WDFY4: variants seen among roughly 807,000 people sequenced by gnomAD.
WDFY4 encodes the protein WD repeat- and FYVE domain-containing protein 4.
WDFY4 carries 169 observed loss-of-function variants against 351.9 expected under a neutral mutation model. The observed-to-expected ratio is 0.48, with a 90% CI of 0.42 to 0.55. WDFY4 has a LOEUF of 0.55. WDFY4 is among the 20% of genes least tolerant of loss of function. WDFY4 has a pLI of 0.00. For synonymous variants in WDFY4, 1,622 were observed against 1,574.6 expected (o/e 1.03, Z -0.71); for missense variants, 3,803 against 3,935.6 (o/e 0.97, Z 0.90).
chr10:48,733,897 A>C, intron 9 of WDFY4, 34 bp from the exon 10 acceptor site: 1 of 1,542,756 alleles, frequency 6.5e-7, no homozygotes, highest in East Asian at 2.4e-5. Context: ...ACATGTACTT[A>C]ATTTATTTTG....
In WDFY4 at chr10:48,819,982, T is replaced by C. The variant is rs576362679; in HGVS notation, c.5506-252T>C. On this transcript the variant is annotated intron_variant, in intron 32 of 61. Coordinates refer to ENST00000325239, the MANE Select transcript of WDFY4 (RefSeq NM_001394531.1). The stretch of plus-strand genomic sequence containing the variant: ...TCCTGGCACATTCTGGAGTTCATCA[T>C]GAACACTGCAGGCCTCTCTGACTCT... 1.7e-4 allele frequency among the ~76,000 whole-genome samples: 26 copies of C among 152,310 alleles called. 1 individual carries two copies. Among genetic ancestry groups the C allele is most frequent in the South Asian group, 1.7e-3 (8 of 4,822 alleles).
In WDFY4 at chr10:48,956,499, C is replaced by G. The variant is rs547838364; in HGVS notation, c.7978-630C>G. On this transcript the variant is annotated intron_variant, in intron 51 of 61. Coordinates refer to ENST00000325239, the MANE Select transcript of WDFY4 (RefSeq NM_001394531.1). ...GGGCCCTCCCCTAGCGAGCTCTCCT[C>G]CCTCCTCCCTTCACCCTCCTCCCTC... Among the ~76,000 whole-genome samples, 4 of 152,278 alleles carry G rather than the reference C, an allele frequency of 2.6e-5. No individual in the cohort carries two copies. The South Asian group carries it at 8.3e-4, about 32-fold the overall frequency.
chr10:48,724,200 C>T (rs1052827222), intron 5 of WDFY4, among the ~76,000 whole-genome samples: 7 of 152,102 alleles, frequency 4.6e-5, no homozygotes, highest in Non-Finnish European at 1.0e-4. Flanking sequence ...TATGGAGGAT[C>T]GTGTGGCCCG....
intron 12 of WDFY4, among the ~76,000 whole-genome samples, chr10:48,755,421 A>T (rs2132490728): frequency 6.6e-6 from 1 of 152,262 alleles, no homozygotes; most frequent in South Asian, 2.1e-4. Flanking sequence ...TTGCACTTTT[A>T]TGTCATATCT....
chr10:48,835,278 G>A (rs138223062), intron 39 of WDFY4, among the ~76,000 whole-genome samples: 35 of 152,304 alleles, frequency 2.3e-4, no homozygotes, highest in Middle Eastern at 3.4e-3. Flanking sequence ...GGAGGGGGGC[G>A]AGAGAGGGGC....
Position 48,720,073 on chromosome 10 carries a change from G to A in WDFY4, c.297G>A (p.Val99=). The change falls in exon 3 of 62, where the codon GTG becomes GTA. Residue 99 remains valine, a synonymous_variant. Coordinates refer to ENST00000325239, the MANE Select transcript of WDFY4 (RefSeq NM_001394531.1). ...GTCTCCAAAGGCTGGCTGAAGACGT[G>A]TCTGACCAGCTTGCCCAGCAACTCC... The part of the protein sequence containing the change: ...FPSLQRLAED[V]SDQLAQQLQK... The A allele has an allele frequency of 1.3e-6, 2 of 1,551,806 alleles. No individual in the cohort carries two copies. The highest frequency in any genetic ancestry group is 8.7e-7 in the Non-Finnish European group (1 of 1,147,022).
At position 48,828,857 on chromosome 10, in the gene WDFY4, G is replaced by T; in HGVS notation, c.6301G>T (p.Val2101Leu). ...AGTCTTCCTTTCCCCAAATGAAGACGTGAAAGAAAAAAGAGAAGACTTACC... is the reference window on the plus strand; with the variant it reads ...AGTCTTCCTTTCCCCAAATGAAGACTTGAAAGAAAAAAGAGAAGACTTACC... Reference protein sequence around the residue: ...HQVFLSPNEDVKEKREDLPSL... With the variant: ...HQVFLSPNEDLKEKREDLPSL... Residue 2101 changes from valine to leucine, a missense_variant, in exon 37 of 62, where the codon GTG (valine) becomes TTG (leucine). Physicochemically the swap from Val to Leu is conservative, Grantham distance 32 (BLOSUM62 1). Transcript: ENST00000325239. The T allele has an allele frequency of 7.0e-7, 1 of 1,423,742 alleles. No individual in the cohort carries two copies. Among genetic ancestry groups the T allele is most frequent in the Non-Finnish European group, 9.3e-7 (1 of 1,072,694 alleles). The allele number at this position is 1,423,742 out of a possible 1,614,324, so 88.2% of individuals were successfully genotyped here.
At chr10:48,863,142 A>C (rs1377817261) in intron 39 of WDFY4, among the ~76,000 whole-genome samples, 1 of 152,214 alleles carries the variant, frequency 6.6e-6, no homozygotes. Flanking sequence ...GACTATTATG[A>C]ATAATATTGC....
chr10:48,765,994 C>T (rs1437728204), intron 13 of WDFY4, among the ~76,000 whole-genome samples: 1 of 152,182 alleles, frequency 6.6e-6, no homozygotes, highest in Non-Finnish European at 1.5e-5. Flanking sequence ...GTCTGTATTT[C>T]AAACACTGAA....
In WDFY4 at chr10:48,759,421, G is replaced by A. The variant is rs1024576988; in HGVS notation, c.2460-926G>A. Among the ~76,000 whole-genome samples, 5 of 152,270 alleles carry A rather than the reference G, an allele frequency of 3.3e-5. 1 individual carries two copies. In the Middle Eastern group the frequency reaches 0.014, roughly 414 times the overall value. On this transcript the variant is annotated intron_variant, in intron 12 of 61. Coordinates refer to ENST00000325239, the MANE Select transcript of WDFY4 (RefSeq NM_001394531.1). ...TGTGTCACTGGTATCTGTCTCTGGG[G>A]CCATGCAGTGAGGGGAGAAAAGGAG...
At position 48,737,600 on chromosome 10, in the gene WDFY4, C is replaced by T. The variant is rs188176615; in HGVS notation, c.1878+1530C>T. Among the ~76,000 whole-genome samples the T allele has an allele frequency of 7.9e-5, 12 of 152,230 alleles. No individual in the cohort carries two copies. In the East Asian group the frequency reaches 1.4e-3, roughly 17 times the overall value. On this transcript the variant is annotated intron_variant, in intron 11 of 61. Coordinates refer to ENST00000325239, the MANE Select transcript of WDFY4 (RefSeq NM_001394531.1). ...CATTGCGTGGTCCATCCAAAAGTGG[C>T]GTCATGACCATAATCATCATGTTTC...
chr10:48,886,101 C>T (rs1206152729), intron 43 of WDFY4, among the ~76,000 whole-genome samples: 3 of 152,320 alleles, frequency 2.0e-5, no homozygotes, highest in East Asian at 3.9e-4. Flanking sequence ...TACACACAAA[C>T]GTAAGGGAAT....
intron 17 of WDFY4, among the ~76,000 whole-genome samples, chr10:48,778,217 C>T (rs1260163445): frequency 2.0e-5 from 3 of 152,236 alleles, no homozygotes. Flanking sequence ...TCTGAGGACA[C>T]AGCAGCTGAT....
Position 48,790,785 on chromosome 10 carries a change from T to G in WDFY4, c.4125T>G (p.Pro1375=), listed in dbSNP as rs1159048492. 6.4e-7 allele frequency: 1 copy of G among 1,551,670 alleles called. No individual in the cohort carries two copies. The highest frequency in any genetic ancestry group is 1.4e-5 in the African/African-American group (1 of 73,056). ...GCAGCCTGGACTTCATTGGCGGGCCTGCCATCCTCCTGGGCCTCATCTCCT... is the reference window on the plus strand; with the variant it reads ...GCAGCCTGGACTTCATTGGCGGGCCGGCCATCCTCCTGGGCCTCATCTCCT... ...AASSLDFIGG[P]AILLGLISLA... is the part of the protein sequence containing the mutation. The change falls in exon 23 of 62, where the codon CCT becomes CCG. Residue 1375 remains proline (P), a synonymous_variant. Transcript: ENST00000325239.
chr10:48,740,381 G>T (rs528084616), intron 11 of WDFY4, among the ~76,000 whole-genome samples: 5 of 152,276 alleles, frequency 3.3e-5, no homozygotes, highest in Non-Finnish European at 5.9e-5. Flanking sequence ...ACATTTTTTT[G>T]GAAGTGAGTT....
chr10:48,928,315 G>A (rs1448936739), intron 47 of WDFY4, among the ~76,000 whole-genome samples: 1 of 151,910 alleles, frequency 6.6e-6, no homozygotes, highest in Non-Finnish European at 1.5e-5. Flanking sequence ...CAAGGTCAGG[G>A]GAGGGCAATG....
At chr10:48,951,714 C>T (rs1026967795) in intron 51 of WDFY4, among the ~76,000 whole-genome samples, 5 of 152,218 alleles carry the variant, frequency 3.3e-5, no homozygotes, top group African/African-American at 1.2e-4. Context: ...TCTTGCCTGC[C>T]TAGAGCAAGT....
chr10:48,819,885 G>A (rs1276639462), intron 32 of WDFY4, among the ~76,000 whole-genome samples: 1 of 152,150 alleles, frequency 6.6e-6, no homozygotes, highest in Non-Finnish European at 1.5e-5. Flanking sequence ...TCCCAGATCC[G>A]GTGTCAGATG....
intron 12 of WDFY4, among the ~76,000 whole-genome samples, chr10:48,748,594 G>A (rs903065010): frequency 2.0e-5 from 3 of 152,218 alleles, no homozygotes; most frequent in Non-Finnish European, 4.4e-5. Flanking sequence ...CAGTCCTGAT[G>A]TTTTAGAGGT....
Sources: allele counts gnomAD v4.1 joint callset (sites outside exome capture counted in the v4.1 genomes callset), GRCh38; gene constraint gnomAD v4.1.1; transcripts MANE v1.5; gene names NCBI Gene and HGNC (gene_info 2026-07-23, HGNC 2026-07-21).